CHD9: variants seen among roughly 807,000 people sequenced by gnomAD.
CHD9 encodes ATP-dependent chromatin remodeler CHD9.
CHD9 carries 77 observed loss-of-function variants against 316.1 expected under a neutral mutation model. That is an observed-to-expected ratio of 0.24 (90% CI 0.20 to 0.29). CHD9 has a LOEUF of 0.29. Ranked by LOEUF, CHD9 falls within the 10% of genes least tolerant of loss-of-function variation. The pLI is 1.00. For missense variants in CHD9, 2,763 were observed against 3,438.1 expected (o/e 0.80, Z 4.91); for synonymous variants, 1,129 against 1,158.3 (o/e 0.97, Z 0.51).
chr16:53,301,890 G>A (rs979287701), intron 30 of CHD9, among the ~76,000 whole-genome samples: 15 of 150,074 alleles, frequency 1.0e-4, no homozygotes, highest in African/African-American at 2.9e-4. Flanking sequence ...TCAGCCTCCC[G>A]AGTAGCTGGG....
intron 2 of CHD9, among the ~76,000 whole-genome samples, chr16:53,205,092 T>G (rs1470334252): frequency 6.6e-6 from 1 of 152,170 alleles, no homozygotes; most frequent in Non-Finnish European, 1.5e-5. Context: ...TGCATCCACC[T>G]TGGCCTCCCC....
chr16:53,317,222 G>A (rs2056955756), intron 36 of CHD9, among the ~76,000 whole-genome samples: 1 of 151,144 alleles, frequency 6.6e-6, no homozygotes, highest in African/African-American at 2.4e-5. Context: ...ATAAAACAGT[G>A]ACTAGTCTAA....
chr16:53,174,221 C>A (rs1389100361), intron 2 of CHD9, among the ~76,000 whole-genome samples: 4 of 152,180 alleles, frequency 2.6e-5, no homozygotes, highest in Admixed American at 1.3e-4. Context: ...GATGTTGAGG[C>A]TGCAGTGAAC....
At position 53,109,936 on chromosome 16, in the gene CHD9, G is replaced by A. The variant is rs370710788; in HGVS notation, c.-164-45990G>A. 1.1e-3 allele frequency among the ~76,000 whole-genome samples: 169 copies of A among 151,742 alleles called. 3 individuals are homozygous for A. The highest frequency in any genetic ancestry group is 0.011 in the South Asian group (51 of 4,808). On this transcript the variant is annotated intron_variant, in intron 1 of 38. Transcript: ENST00000447540. ...CCTGATCTCATGATCCGCCCGCCTC[G>A]GCCTCCCAAAGTGCTGGGATTACAG...
rs571000696 is a variant in CHD9 at position 53,296,179 on chromosome 16, C to A, written c.5511-777C>A. ...TGAACTGATCCTTCTATCTTCTATGCTCTCCTGAAACTTTTGGTTTCTTTA... is the reference window on the plus strand; with the variant it reads ...TGAACTGATCCTTCTATCTTCTATGATCTCCTGAAACTTTTGGTTTCTTTA... On this transcript the variant is annotated intron_variant, in intron 29 of 38. Coordinates refer to ENST00000447540, the MANE Select transcript of CHD9 (RefSeq NM_001308319.2). Among the ~76,000 whole-genome samples, 72 of 152,238 alleles carry A rather than the reference C, an allele frequency of 4.7e-4. 2 individuals carry two copies. The South Asian group carries it at 0.013, about 28-fold the overall frequency.
intron 2 of CHD9, among the ~76,000 whole-genome samples, chr16:53,164,465 G>A (rs756090100): frequency 3.0e-4 from 46 of 152,104 alleles, no homozygotes; most frequent in Middle Eastern, 3.4e-3. Flanking sequence ...TGTAGTCCTA[G>A]CTACTTAGGA....
At chr16:53,312,411 G>A (rs986328227) in intron 34 of CHD9, among the ~76,000 whole-genome samples, 1 of 152,160 alleles carries the variant, frequency 6.6e-6, no homozygotes. Flanking sequence ...GAAGAGATGG[G>A]ATTGAACAGG....
rs962247229 is a variant in CHD9, at chr16:53,238,291, G to A, written c.2634-52G>A. The stretch of plus-strand genomic sequence containing the variant: ...TTATTTTTGTATATTTATCTTTAAA[G>A]TATAGAAAAAAAACCCAATGTATGC... On this transcript the variant is annotated intron_variant, in intron 11 of 38. Coordinates refer to ENST00000447540, the MANE Select transcript of CHD9 (RefSeq NM_001308319.2). 2.1e-6 allele frequency: 3 copies of A among 1,431,808 alleles called. No homozygotes were observed. In the African/African-American group the frequency reaches 4.3e-5, roughly 21 times the overall value. 88.7% of individuals were successfully genotyped at this position (1,431,808 alleles called of 1,614,324 possible). A position where few individuals can be genotyped will look rare whatever the true frequency, so the allele number is the denominator to read the frequency against.
chr16:53,072,375 T>A (rs1319732169), intron 1 of CHD9, among the ~76,000 whole-genome samples: 17 of 149,012 alleles, frequency 1.1e-4, no homozygotes, highest in Non-Finnish European at 2.2e-4. Context: ...ATTTAAAAAA[T>A]ACATGTAAAA....
At chr16:53,201,710 A>G (rs1417227914) in intron 2 of CHD9, among the ~76,000 whole-genome samples, 1 of 152,166 alleles carries the variant, frequency 6.6e-6, no homozygotes, top group African/African-American at 2.4e-5. Flanking sequence ...CCACTGTTGC[A>G]TCTGTACTAC....
intron 22 of CHD9, among the ~76,000 whole-genome samples, chr16:53,269,092 C>A (rs1402520174): frequency 6.6e-6 from 1 of 152,128 alleles, no homozygotes; most frequent in Non-Finnish European, 1.5e-5. Flanking sequence ...CAGACATGAG[C>A]CACCATGCCT....
At chr16:53,316,958 C>T (rs1013225823) in intron 36 of CHD9, among the ~76,000 whole-genome samples, 2 of 151,758 alleles carry the variant, frequency 1.3e-5, no homozygotes, top group African/African-American at 2.4e-5. Flanking sequence ...TAGCACTTTG[C>T]GAGGCCGAGG....
intron 11 of CHD9, among the ~76,000 whole-genome samples, 161 bp downstream of exon 11, chr16:53,235,467 T>C (rs1288692852): frequency 6.6e-6 from 1 of 152,196 alleles, no homozygotes; most frequent in African/African-American, 2.4e-5. Flanking sequence ...AACTTAGGTT[T>C]CAACTACAAT....
intron 37 of CHD9, among the ~76,000 whole-genome samples, chr16:53,319,196 A>G (rs376521426): frequency 2.0e-4 from 30 of 152,340 alleles, no homozygotes; most frequent in African/African-American, 6.3e-4. Context: ...AAGCAACAAA[A>G]TAATTAGGAA....
At chr16:53,257,045 AT>A (rs2050671785) in intron 19 of CHD9, among the ~76,000 whole-genome samples, 1 of 152,242 alleles carries the variant, frequency 6.6e-6, no homozygotes, top group Admixed American at 6.5e-5. Flanking sequence ...GAGATTATTA[AT>A]TCTGTATATT....
chr16:53,167,374 A>G (rs909521823), intron 2 of CHD9, among the ~76,000 whole-genome samples: 4 of 152,160 alleles, frequency 2.6e-5, no homozygotes, highest in African/African-American at 9.7e-5. Flanking sequence ...TGCCATATGT[A>G]AGAAATTATG....
chr16:53,100,453 CTTTTTTTT>C (rs61450186), intron 1 of CHD9, among the ~76,000 whole-genome samples: 1 of 129,638 alleles, frequency 7.7e-6, no homozygotes. Flanking sequence ...ACTCATTCGT[CTTTTTTTT>C]TTTTTTTTTC....
chr16:53,255,833 C>A, intron 19 of CHD9, 54 bp downstream of exon 19: 2 of 1,493,292 alleles, frequency 1.3e-6, no homozygotes, highest in Non-Finnish European at 1.8e-6. Flanking sequence ...ATCCTAACTA[C>A]TGAGAAAGTT....
intron 29 of CHD9, among the ~76,000 whole-genome samples, chr16:53,296,184 C>A (rs1272033366): frequency 6.6e-6 from 1 of 152,120 alleles, no homozygotes; most frequent in African/African-American, 2.4e-5. Flanking sequence ...CTATGCTCTC[C>A]TGAAACTTTT....
Sources: gnomAD v4.1 joint callset for allele counts (sites outside exome capture counted in the v4.1 genomes callset) on GRCh38, gnomAD v4.1.1 for gene constraint, MANE v1.5 for transcripts, NCBI Gene and HGNC (gene_info 2026-07-23, HGNC 2026-07-21) for gene names.